The following GPC6 variants were observed in gnomAD, a reference collection of about 807,000 sequenced individuals.
GPC6 encodes glypican-6.
A neutral mutation model predicts 55.2 loss-of-function variants in GPC6; 14 were observed. The ratio of observed to expected loss-of-function variants is 0.25; its 90% CI spans 0.17 to 0.40. GPC6 has a LOEUF of 0.40. Among genes scored for constraint, GPC6 ranks in the 10% least tolerant of loss-of-function variants. GPC6 has a pLI of 1.00. For synonymous variants in GPC6, 278 were observed against 259.6 expected (o/e 1.07, Z -0.68); for missense variants, 641 against 708.5 (o/e 0.90, Z 1.08).
chr13:94,145,311 T>A (rs1887523078), intron 4 of GPC6, among the ~76,000 whole-genome samples: 1 of 152,206 alleles, frequency 6.6e-6, no homozygotes, highest in South Asian at 2.1e-4. Context: ...ATTAGTATAA[T>A]GTTTTGACTT....
intron 3 of GPC6, among the ~76,000 whole-genome samples, chr13:93,841,354 G>A (rs57262859): frequency 1.6e-3 from 245 of 152,144 alleles, no homozygotes; most frequent in African/African-American, 5.9e-3. Flanking sequence ...AGAAAGAGGG[G>A]GGTATGTTAT....
intron 4 of GPC6, among the ~76,000 whole-genome samples, chr13:94,059,624 A>G (rs967675395): frequency 1.3e-5 from 2 of 152,010 alleles, no homozygotes; most frequent in African/African-American, 4.8e-5. Flanking sequence ...CACAACAGAT[A>G]TTTATTTTTC....
chr13:93,382,131 A>G (rs967093107), intron 1 of GPC6, among the ~76,000 whole-genome samples: 2 of 152,140 alleles, frequency 1.3e-5, no homozygotes, highest in Non-Finnish European at 2.9e-5. Flanking sequence ...TAGTTCTTCC[A>G]AGTGATATTT....
chr13:94,181,466 A>T (rs1427147085), intron 4 of GPC6, among the ~76,000 whole-genome samples: 1 of 152,104 alleles, frequency 6.6e-6, no homozygotes, highest in Admixed American at 6.6e-5. Flanking sequence ...ATTTGTGGAG[A>T]TTTTATTTAT....
At chr13:94,380,866 C>G (rs1050248990) in intron 6 of GPC6, among the ~76,000 whole-genome samples, 4 of 152,194 alleles carry the variant, frequency 2.6e-5, no homozygotes, top group Admixed American at 6.5e-5. Context: ...TATTCTTCAT[C>G]TGGAAGGACT....
intron 5 of GPC6, among the ~76,000 whole-genome samples, chr13:94,297,922 A>T (rs111265941): frequency 1.2e-4 from 18 of 152,300 alleles, no homozygotes; most frequent in Middle Eastern, 3.4e-3. Flanking sequence ...AAAAAAGAGA[A>T]AAACAAAATG....
At chr13:93,935,381 A>G (rs1025082734) in intron 3 of GPC6, among the ~76,000 whole-genome samples, 13 of 152,154 alleles carry the variant, frequency 8.5e-5, no homozygotes, top group African/African-American at 2.7e-4. Context: ...CTGTTACTCA[A>G]TTCACTTAAG....
At chr13:93,709,045 AC>A (rs1310890968) in intron 2 of GPC6, among the ~76,000 whole-genome samples, 1 of 151,810 alleles carries the variant, frequency 6.6e-6, no homozygotes, top group African/African-American at 2.4e-5. Flanking sequence ...CTCAATGTAG[AC>A]CCAGTTAAGA....
chr13:93,309,671 T>C (rs999939437), intron 1 of GPC6, among the ~76,000 whole-genome samples: 1 of 152,194 alleles, frequency 6.6e-6, no homozygotes, highest in African/African-American at 2.4e-5. Context: ...CTATCATTAT[T>C]TTCATGAAGC....
At position 93,719,752 on chromosome 13, in the gene GPC6, C is replaced by T. The variant is rs911808164; in HGVS notation, c.320-110402C>T. ...AAATAGCTCTTATTATTTTGAGATA[C>T]GATCCATTGATACCTAGTTTATTGA... On this transcript the variant is annotated intron_variant, in intron 2 of 8. Coordinates refer to ENST00000377047, the MANE Select transcript of GPC6 (RefSeq NM_005708.5). Among the ~76,000 whole-genome samples, 10 of 151,784 alleles carry T rather than the reference C, an allele frequency of 6.6e-5. No individual in the cohort carries two copies. The South Asian group carries it at 8.3e-4, about 13-fold the overall frequency.
intron 4 of GPC6, among the ~76,000 whole-genome samples, chr13:94,097,072 C>T (rs1474177936): frequency 1.3e-5 from 2 of 149,862 alleles, no homozygotes; most frequent in East Asian, 1.9e-4. Flanking sequence ...TAGCACAGTG[C>T]CCAACACACA....
chr13:93,456,973 T>G (rs1218442248), intron 1 of GPC6, among the ~76,000 whole-genome samples: 1 of 152,158 alleles, frequency 6.6e-6, no homozygotes, highest in Non-Finnish European at 1.5e-5. Context: ...CCTGTTCTCA[T>G]GATAGTAAGT....
intron 1 of GPC6, among the ~76,000 whole-genome samples, chr13:93,429,159 G>A (rs1877260820): frequency 6.6e-6 from 1 of 152,000 alleles, no homozygotes; most frequent in African/African-American, 2.4e-5. Flanking sequence ...TTTTTATTCT[G>A]CTAATGAACA....
chr13:93,484,616 C>T (rs1045870324), intron 1 of GPC6, among the ~76,000 whole-genome samples: 2 of 151,938 alleles, frequency 1.3e-5, no homozygotes, highest in Non-Finnish European at 2.9e-5. Flanking sequence ...TTTTGAATTA[C>T]CATTTTATTT....
chr13:93,326,728 C>G (rs1879670486), intron 1 of GPC6, among the ~76,000 whole-genome samples: 1 of 152,114 alleles, frequency 6.6e-6, no homozygotes, highest in Non-Finnish European at 1.5e-5. Context: ...CATTTCCAAA[C>G]CATACTTTAT....
Position 94,289,672 on chromosome 13 carries a change from AAAAT to A in GPC6, c.1008+3202_1008+3205del, listed in dbSNP as rs373160752. Among the ~76,000 whole-genome samples the A allele has an allele frequency of 2.9e-3, 441 of 152,344 alleles. 2 individuals carry two copies. The highest frequency in any genetic ancestry group is 0.018 in the South Asian group (89 of 4,826). ...TTCCCTATGTCCATCCAAACCTAGA[AAAAT>A]AAATAAATCTTTAATAAAAGGAACA... On this transcript the variant is annotated intron_variant, in intron 5 of 8. Transcript: ENST00000377047.
chr13:94,223,125 T>A (rs1316607960), intron 4 of GPC6, among the ~76,000 whole-genome samples: 1 of 152,144 alleles, frequency 6.6e-6, no homozygotes, highest in Non-Finnish European at 1.5e-5. Flanking sequence ...CATAAAGTGT[T>A]TTTTAATAGT....
intron 1 of GPC6, among the ~76,000 whole-genome samples, chr13:93,465,178 T>C (rs2139320102): frequency 6.6e-6 from 1 of 152,364 alleles, no homozygotes; most frequent in East Asian, 1.9e-4. Flanking sequence ...CTAAGGTACC[T>C]ATGATTTTTG....
At chr13:93,840,983 C>T (rs1256186629) in intron 3 of GPC6, among the ~76,000 whole-genome samples, 1 of 152,172 alleles carries the variant, frequency 6.6e-6, no homozygotes. Context: ...CAATTATGCT[C>T]TTCCTATGAG....
Sources: gnomAD v4.1 joint callset for allele counts (sites outside exome capture counted in the v4.1 genomes callset) on GRCh38, gnomAD v4.1.1 for gene constraint, MANE v1.5 for transcripts, NCBI Gene and HGNC (gene_info 2026-07-23, HGNC 2026-07-21) for gene names.